NSD2: variants seen among roughly 807,000 people sequenced by gnomAD.
The protein encoded by NSD2 is histone-lysine N-methyltransferase NSD2.
In NSD2, 12 loss-of-function variants were observed where a neutral mutation model predicts 139.0. The observed-to-expected ratio is 0.09, with a 90% CI of 0.06 to 0.14. NSD2 has a LOEUF of 0.14. Among genes scored for constraint, NSD2 ranks in the 10% least tolerant of loss-of-function variants. NSD2 has a pLI of 1.00. For missense variants in NSD2, 1,155 were observed against 1,745.0 expected, an observed-to-expected ratio of 0.66 and a Z score of 6.02; for synonymous variants, 669 against 648.7, an observed-to-expected ratio of 1.03 and a Z score of -0.48.
At chr4:1,913,869 C>T (rs946280244) in intron 3 of NSD2, among the ~76,000 whole-genome samples, 1 of 152,244 alleles carries the variant, frequency 6.6e-6, no homozygotes, top group Non-Finnish European at 1.5e-5. Context: ...TCTCCACACA[C>T]GAGGAGAAAA....
chr4:1,918,704 A>C, intron 5 of NSD2, 81 bp downstream of exon 5: 3 of 1,540,076 alleles, frequency 1.9e-6, no homozygotes, highest in Non-Finnish European at 2.6e-6. Context: ...TCTGTTTCTC[A>C]GCATTATCAG....
chr4:1,955,467 T>A lies in NSD2; in HGVS notation c.2518+127T>A. The A allele has an allele frequency of 7.7e-7, 1 of 1,292,576 alleles. No homozygotes were observed. The highest frequency in any genetic ancestry group is 1.0e-6 in the Non-Finnish European group (1 of 964,936). 80.1% of individuals were successfully genotyped at this position (1,292,576 alleles called of 1,614,324 possible). A position where few individuals can be genotyped will look rare whatever the true frequency, so the allele number is the denominator to read the frequency against. Reference sequence around the variant, plus strand: ...GACAGTGTTCTGTGCGTCTTCACGTTAATAGTATATCACAGTAGCTCTAAA... The same window carrying A: ...GACAGTGTTCTGTGCGTCTTCACGTAAATAGTATATCACAGTAGCTCTAAA... On this transcript the variant is annotated intron_variant, in intron 13 of 21. Transcript: ENST00000508803. This position sits in a 1 kb window ranked among gnomAD's most constrained non-coding sequence, Gnocchi z 4.7.
At chr4:1,874,264 G>GT (rs772548797) in intron 1 of NSD2, among the ~76,000 whole-genome samples, 1 of 152,152 alleles carries the variant, frequency 6.6e-6, no homozygotes, top group East Asian at 1.9e-4. Flanking sequence ...CTTGATTGTA[G>GT]TAAGTGTGAC....
At chr4:1,888,196 T>G (rs1715258097) in intron 1 of NSD2, among the ~76,000 whole-genome samples, 1 of 152,046 alleles carries the variant, frequency 6.6e-6, no homozygotes, top group South Asian at 2.1e-4. Context: ...GTGGATCACC[T>G]GAGGTCAGGA....
chr4:1,912,840 A>C (rs1387258403), intron 3 of NSD2, among the ~76,000 whole-genome samples: 1 of 152,098 alleles, frequency 6.6e-6, no homozygotes, highest in Non-Finnish European at 1.5e-5. Context: ...GCACTGCAGT[A>C]AGCTTAGACT....
chr4:1,947,709 C>T (rs1379493984), intron 9 of NSD2: 106 of 1,053,280 alleles, frequency 1.0e-4, no homozygotes, highest in Non-Finnish European at 1.2e-4. Flanking sequence ...AGGTACTTCT[C>T]GCCATCAGCT....
chr4:1,936,124 T>C (rs542408300), intron 7 of NSD2, among the ~76,000 whole-genome samples: 1 of 152,358 alleles, frequency 6.6e-6, no homozygotes, highest in African/African-American at 2.4e-5. Context: ...CGGGTCCTTG[T>C]GCTCCTCGCT....
At chr4:1,926,189 A>G (rs1336367098) in intron 5 of NSD2, among the ~76,000 whole-genome samples, 3 of 119,134 alleles carry the variant, frequency 2.5e-5, no homozygotes, top group African/African-American at 3.4e-5. Flanking sequence ...GTAGTCTCGC[A>G]CTGTTGCCAG....
Position 1,904,284 on chromosome 4 carries a change from T to C in NSD2, c.666T>C (p.Val222=). The change falls in exon 3 of 22, where the codon GTT becomes GTC. Residue 222 remains valine, a synonymous_variant. Transcript: ENST00000508803. ...RDKDHLLKYN[V]GDLVWSKVSG... ...AAGACCACCTGTTGAAATACAACGT[T>C]GGTGATTTGGTGTGGTCCAAAGTGT... 1 of 1,614,162 alleles carries C rather than the reference T, an allele frequency of 6.2e-7. No homozygotes were observed. The highest frequency in any genetic ancestry group is 8.5e-7 in the Non-Finnish European group (1 of 1,180,002).
intron 9 of NSD2, chr4:1,940,381 G>T: frequency 9.4e-7 from 1 of 1,063,774 alleles, no homozygotes; most frequent in African/African-American, 1.6e-5. Flanking sequence ...GTACATGATA[G>T]CAAAATAAAG....
In NSD2 at chr4:1,935,209, G is replaced by A; in HGVS notation, c.1621G>A (p.Ala541Thr). 1 of 1,613,730 alleles carries A rather than the reference G, an allele frequency of 6.2e-7. No homozygotes were observed. Among genetic ancestry groups the A allele is most frequent in the East Asian group, 2.2e-5 (1 of 44,858 alleles). Residue 541 changes from alanine to threonine, a missense_variant, in exon 7 of 22, where the codon GCT becomes ACT. Ala to Thr is a moderately conservative substitution (Grantham distance 58). Around this residue, in one of 8 missense-constraint regions of NSD2, gnomAD observed 420 missense variants for 469.0 expected, o/e 0.90. Coordinates refer to ENST00000508803, the MANE Select transcript of NSD2 (RefSeq NM_001042424.3). ...ACAGGACCCTACAGAAGATGCTGAA[G>A]CTGAGGACACACCCAGGAAAAGACT... ...RIQDPTEDAE[A>T]EDTPRKRLRT...
At chr4:1,887,126 C>G (rs781156508) in intron 1 of NSD2, among the ~76,000 whole-genome samples, 2 of 152,168 alleles carry the variant, frequency 1.3e-5, no homozygotes, top group Non-Finnish European at 2.9e-5. Context: ...GTGATGCCAG[C>G]TTGTTGGTAC....
At chr4:1,927,066 C>T (rs938773133) in intron 5 of NSD2, among the ~76,000 whole-genome samples, 1 of 152,182 alleles carries the variant, frequency 6.6e-6, no homozygotes, top group African/African-American at 2.4e-5. Flanking sequence ...TAAGGCTTGA[C>T]TGATGCTGGA....
intron 5 of NSD2, among the ~76,000 whole-genome samples, chr4:1,920,406 G>A (rs1012117592): frequency 6.6e-6 from 1 of 152,156 alleles, no homozygotes; most frequent in Non-Finnish European, 1.5e-5. Context: ...TCATGCCGCT[G>A]CACTCCAGCC....
At position 1,942,228 on chromosome 4, in the gene NSD2, T is replaced by G. The variant is rs1178593176; in HGVS notation, c.1881+2450T>G. 6.6e-7 allele frequency: 1 copy of G among 1,521,440 alleles called. No homozygotes were observed. Among genetic ancestry groups the G allele is most frequent in the East Asian group, 2.3e-5 (1 of 43,652 alleles). The allele number at this position is 1,521,440 out of a possible 1,614,324, so 94.2% of individuals were successfully genotyped here. ...AGAGAATAAATTAAAATTACACACT[T>G]GCATGACAAAGGCCTGTGAAGGAAT... On this transcript the variant is annotated intron_variant, in intron 9 of 21. Coordinates refer to ENST00000508803, the MANE Select transcript of NSD2 (RefSeq NM_001042424.3). This position sits in a 1 kb window ranked among gnomAD's most constrained non-coding sequence, Gnocchi z 4.0.
At chr4:1,878,241 ATATATATATATTTTT>A (rs1714416439) in intron 1 of NSD2, among the ~76,000 whole-genome samples, 1 of 35,076 alleles carries the variant, frequency 2.9e-5, no homozygotes, top group Admixed American at 3.6e-4. Context: ...ATATATATAT[ATATATATATATTTTT>A]TTTTTTTTTT....
chr4:1,964,212 G>C (rs1321255156), intron 18 of NSD2, among the ~76,000 whole-genome samples: 1 of 152,152 alleles, frequency 6.6e-6, no homozygotes. Context: ...AAAAGAATGA[G>C]ATATGGAGGG....
At chr4:1,919,765 C>G (rs900620976) in intron 5 of NSD2, among the ~76,000 whole-genome samples, 19 of 152,092 alleles carry the variant, frequency 1.2e-4, no homozygotes, top group African/African-American at 4.1e-4. Flanking sequence ...AACCCCGTCT[C>G]TACTAAAAAT....
intron 6 of NSD2, among the ~76,000 whole-genome samples, 178 bp downstream of exon 6, chr4:1,930,948 C>T (rs373024601): frequency 2.6e-5 from 4 of 152,106 alleles, no homozygotes; most frequent in Non-Finnish European, 5.9e-5. Context: ...CTGCCATCTG[C>T]GTTTACTGGC....
Sources: gnomAD v4.1 joint callset for allele counts (sites outside exome capture counted in the v4.1 genomes callset) on GRCh38, gnomAD v4.1.1 for gene constraint, gnomAD v4.1.1 regional missense constraint, Gnocchi (gnomAD v3.1) non-coding constraint, MANE v1.5 for transcripts, NCBI Gene and HGNC (gene_info 2026-07-23, HGNC 2026-07-21) for gene names.